Variants in INTS4 observed in about 807,000 individuals in gnomAD.
The protein encoded by INTS4 is MSTP093.
In INTS4, 70 loss-of-function variants were observed where a neutral mutation model predicts 119.5. The ratio of observed to expected loss-of-function variants is 0.59; its 90% CI spans 0.48 to 0.71. The LOEUF (loss-of-function observed/expected upper bound fraction) is 0.71. Ranked by LOEUF, INTS4 falls within the 30% of genes least tolerant of loss-of-function variation. INTS4 has a pLI of 0.00. For missense variants in INTS4, 867 were observed against 1,173.2 expected (o/e 0.74, Z 3.81); for synonymous variants, 316 against 419.6 (o/e 0.75, Z 3.02).
chr11:77,905,547 T>G (rs151095429), intron 16 of INTS4, among the ~76,000 whole-genome samples: 60 of 152,206 alleles, frequency 3.9e-4, no homozygotes, highest in African/African-American at 1.3e-3. Flanking sequence ...AAGTGCATCA[T>G]CACAATACTG....
At chr11:77,943,756 C>G (rs1441614230) in intron 8 of INTS4, among the ~76,000 whole-genome samples, 1 of 152,108 alleles carries the variant, frequency 6.6e-6, no homozygotes, top group Non-Finnish European at 1.5e-5. Flanking sequence ...ACTTGAGAGC[C>G]TTATTAAATG....
intron 11 of INTS4, among the ~76,000 whole-genome samples, chr11:77,925,670 T>C (rs1303021281): frequency 2.0e-5 from 3 of 152,216 alleles, no homozygotes; most frequent in African/African-American, 7.2e-5. Context: ...TCCATAATGT[T>C]AGAATAAAAT....
chr11:77,889,647 A>T (rs1952176576), intron 21 of INTS4, among the ~76,000 whole-genome samples: 1 of 152,194 alleles, frequency 6.6e-6, no homozygotes, highest in Non-Finnish European at 1.5e-5. Flanking sequence ...TCTCAGTGTC[A>T]TCTCTGAGGC....
intron 11 of INTS4, among the ~76,000 whole-genome samples, chr11:77,927,861 C>T (rs1218584306): frequency 6.6e-6 from 1 of 152,144 alleles, no homozygotes; most frequent in Non-Finnish European, 1.5e-5. Flanking sequence ...CTTTTTAGTT[C>T]CTTGAATATA....
In INTS4 at chr11:77,883,919, G is replaced by A. The variant is rs1951888555; in HGVS notation, c.2626C>T (p.His876Tyr). ...TTCCGGAAGTCTGCAGGCTTGGGGT[G>A]AATCATCTGAGCCTGGCCATCTGGA... ...LYPDGQAQMI[H>Y]PKPADFRNPG... Residue 876 changes from histidine to tyrosine, a missense_variant, in exon 22 of 23, where the codon CAC becomes TAC. His to Tyr is a moderately conservative substitution (Grantham distance 83). Coordinates refer to ENST00000534064, the MANE Select transcript of INTS4 (RefSeq NM_033547.4). 3 of 1,613,240 alleles carry A rather than the reference G, an allele frequency of 1.9e-6. No homozygotes were observed. The highest frequency in any genetic ancestry group is 1.3e-5 in the African/African-American group (1 of 74,992).
At chr11:77,963,287 C>T in intron 4 of INTS4, 1 of 341,386 alleles carries the variant, frequency 2.9e-6, no homozygotes, top group Admixed American at 5.0e-5. Flanking sequence ...CAAGTCACTT[C>T]TTGCATCAAG....
chr11:77,942,712 A>G (rs1302135470), intron 8 of INTS4, among the ~76,000 whole-genome samples: 2 of 152,206 alleles, frequency 1.3e-5, no homozygotes, highest in Non-Finnish European at 2.9e-5. Flanking sequence ...GAAAGCAAAA[A>G]GACTAGTTTC....
At chr11:77,983,073 G>C (rs1421409821) in intron 2 of INTS4, among the ~76,000 whole-genome samples, 1 of 152,178 alleles carries the variant, frequency 6.6e-6, no homozygotes, top group African/African-American at 2.4e-5. Context: ...TGTGAAGCCT[G>C]GATTCACTAC....
chr11:77,984,023 A>AT (rs1204364898), intron 2 of INTS4, among the ~76,000 whole-genome samples: 8 of 152,246 alleles, frequency 5.3e-5, no homozygotes, highest in Non-Finnish European at 8.8e-5. Context: ...AATATGGTAT[A>AT]TACACATAAT....
chr11:77,883,075 AAATAATAAT>A (rs10687244), intron 22 of INTS4, among the ~76,000 whole-genome samples: 1 of 148,268 alleles, frequency 6.7e-6, no homozygotes, highest in Non-Finnish European at 1.5e-5. Flanking sequence ...CTCCGTCTCA[AAATAATAAT>A]AATAATAATA....
intron 7 of INTS4, among the ~76,000 whole-genome samples, chr11:77,957,731 T>A (rs1954367449): frequency 6.8e-6 from 1 of 146,348 alleles, no homozygotes; most frequent in Non-Finnish European, 1.5e-5. Flanking sequence ...TGCAGTGGTG[T>A]GATCTCAGCT....
At chr11:77,954,725 T>C (rs1033974137) in intron 8 of INTS4, among the ~76,000 whole-genome samples, 28 of 152,098 alleles carry the variant, frequency 1.8e-4, no homozygotes, top group African/African-American at 6.5e-4. Flanking sequence ...CCTATGATAA[T>C]CTAATGCAGC....
chr11:77,903,205 G>GAGGGAAAAA (rs1312347983), intron 17 of INTS4, among the ~76,000 whole-genome samples: 10 of 152,250 alleles, frequency 6.6e-5, no homozygotes, highest in African/African-American at 2.4e-4. Flanking sequence ...GTGTCTCCTA[G>GAGGGAAAAA]TTATGCTCCT....
At chr11:77,933,764 G>C (rs1232331479) in intron 10 of INTS4, among the ~76,000 whole-genome samples, 1 of 151,246 alleles carries the variant, frequency 6.6e-6, no homozygotes, top group Non-Finnish European at 1.5e-5. Context: ...GCAGCCGCCC[G>C]TCTGGGAAGT....
At chr11:77,878,179 G>A (rs34323562), downstream of INTS4, among the ~76,000 whole-genome samples, 29,012 of 151,726 alleles carry the variant, frequency 0.19, 3,639 homozygotes, top group Non-Finnish European at 0.29. Context: ...TGGCTAACAT[G>A]GTGAAACCCC....
At chr11:77,932,978 G>C (rs975315300) in intron 10 of INTS4, among the ~76,000 whole-genome samples, 2 of 150,524 alleles carry the variant, frequency 1.3e-5, no homozygotes, top group South Asian at 4.2e-4. Flanking sequence ...GGCTGGGGGA[G>C]GGATAGCATT....
At chr11:77,975,454 T>C (rs1855907660) in intron 4 of INTS4, among the ~76,000 whole-genome samples, 2 of 151,742 alleles carry the variant, frequency 1.3e-5, no homozygotes, top group East Asian at 3.9e-4. Flanking sequence ...ATCTTTTCCA[T>C]CAAGAGTAAA....
chr11:77,922,314 GC>G, intron 13 of INTS4, 41 bp downstream of exon 13: 2 of 1,539,136 alleles, frequency 1.3e-6, no homozygotes, highest in Non-Finnish European at 1.7e-6. Flanking sequence ...TGCCAAAGCT[GC>G]CTGCCAACAC....
chr11:77,968,571 T>G (rs1356232908), intron 4 of INTS4, among the ~76,000 whole-genome samples: 1 of 152,074 alleles, frequency 6.6e-6, no homozygotes, highest in South Asian at 2.1e-4. Flanking sequence ...CAATGAAGGG[T>G]GGTGATGATC....
Sources: allele counts gnomAD v4.1 joint callset (sites outside exome capture counted in the v4.1 genomes callset), GRCh38; gene constraint gnomAD v4.1.1; transcripts MANE v1.5; gene names NCBI Gene and HGNC (gene_info 2026-07-23, HGNC 2026-07-21).